Variants in TBL1XR1 observed in about 807,000 individuals in gnomAD.
TBL1XR1 encodes TBL1X/Y related 1.
In TBL1XR1, 5 loss-of-function variants were observed where a neutral mutation model predicts 66.9. That is an observed-to-expected ratio of 0.07 (90% CI 0.04 to 0.16). TBL1XR1 has a LOEUF of 0.16. TBL1XR1 is among the 10% of genes least tolerant of loss of function. The probability of loss-of-function intolerance (pLI) is 1.00; values close to 1 mark genes in which losing one functional copy is unlikely to be tolerated. For synonymous variants in TBL1XR1, 210 were observed against 206.0 expected (o/e 1.02, Z -0.17); for missense variants, 238 against 623.2 (o/e 0.38, Z 6.58).
intron 3 of TBL1XR1, among the ~76,000 whole-genome samples, chr3:177,060,119 C>A (rs571916504): frequency 1.3e-5 from 2 of 152,208 alleles, no homozygotes; most frequent in South Asian, 4.1e-4. Context: ...GCTTCCTTGC[C>A]CCTCAACTTG....
chr3:177,156,326 C>A (rs901603498), intron 1 of TBL1XR1, among the ~76,000 whole-genome samples: 15 of 151,446 alleles, frequency 9.9e-5, no homozygotes, highest in African/African-American at 1.5e-4. Context: ...GGCAAAACCC[C>A]CGTCTCTACT....
At chr3:177,067,799 T>C (rs1262533788) in intron 2 of TBL1XR1, among the ~76,000 whole-genome samples, 1 of 152,166 alleles carries the variant, frequency 6.6e-6, no homozygotes, top group Non-Finnish European at 1.5e-5. Context: ...TGCCACTACT[T>C]CATGAGTGGA....
chr3:177,106,696 A>G (rs537422533), intron 1 of TBL1XR1, among the ~76,000 whole-genome samples: 1 of 152,348 alleles, frequency 6.6e-6, no homozygotes, highest in Non-Finnish European at 1.5e-5. Context: ...ATTAAATAAC[A>G]GAAATAAATT....
At chr3:177,096,794 C>CA (rs111850779) in intron 2 of TBL1XR1, among the ~76,000 whole-genome samples, 22 of 152,250 alleles carry the variant, frequency 1.4e-4, no homozygotes, top group African/African-American at 5.3e-4. Context: ...CCAGAGCAAT[C>CA]TAAAGACCCC....
chr3:177,102,648 T>C (rs1724369727), intron 1 of TBL1XR1, among the ~76,000 whole-genome samples: 1 of 152,256 alleles, frequency 6.6e-6, no homozygotes, highest in African/African-American at 2.4e-5. Context: ...GCATTTCTAC[T>C]TTTACTCAAC....
At chr3:177,137,210 C>T (rs1577279265) in intron 1 of TBL1XR1, among the ~76,000 whole-genome samples, 4 of 152,220 alleles carry the variant, frequency 2.6e-5, no homozygotes, top group East Asian at 1.9e-4. Context: ...AGACATGGCC[C>T]GGCATGGCAT....
chr3:177,042,066 G>C (rs1285025140), intron 10 of TBL1XR1, among the ~76,000 whole-genome samples: 1 of 152,052 alleles, frequency 6.6e-6, no homozygotes, highest in African/African-American at 2.4e-5. Flanking sequence ...CCCTTTATTG[G>C]AGTGTCTAGT....
chr3:177,093,717 T>C (rs1723113135), intron 2 of TBL1XR1, among the ~76,000 whole-genome samples: 1 of 152,116 alleles, frequency 6.6e-6, no homozygotes, highest in South Asian at 2.1e-4. Flanking sequence ...AAACATAAAG[T>C]GGGGATAGAA....
At chr3:177,088,720 A>AAGAAAAG (rs531755582) in intron 2 of TBL1XR1, among the ~76,000 whole-genome samples, 1 of 151,468 alleles carries the variant, frequency 6.6e-6, no homozygotes, top group Admixed American at 6.6e-5. Flanking sequence ...TAAAAAAAAA[A>AAGAAAAG]AAAAGAAAAG....
chr3:177,122,616 G>C (rs1185343721), intron 1 of TBL1XR1, among the ~76,000 whole-genome samples: 1 of 152,114 alleles, frequency 6.6e-6, no homozygotes, highest in Non-Finnish European at 1.5e-5. Flanking sequence ...CTTTCATAAT[G>C]TTATTAAAGT....
chr3:177,106,793 G>A (rs1024818821), intron 1 of TBL1XR1, among the ~76,000 whole-genome samples: 2 of 152,170 alleles, frequency 1.3e-5, no homozygotes, highest in Non-Finnish European at 2.9e-5. Context: ...CTTTTCCCTT[G>A]GCTGTGTACC....
intron 1 of TBL1XR1, among the ~76,000 whole-genome samples, chr3:177,154,534 T>C (rs977951379): frequency 2.6e-5 from 4 of 152,088 alleles, no homozygotes; most frequent in African/African-American, 9.7e-5. Context: ...GTAGCTGGGA[T>C]TACAGACGCC....
intron 1 of TBL1XR1, among the ~76,000 whole-genome samples, chr3:177,112,107 A>ATATTTTTTTTTTTT: frequency 2.7e-5 from 1 of 37,650 alleles, no homozygotes; most frequent in Non-Finnish European, 4.5e-5. Context: ...ATATATATAT[A>ATATTTTTTTTTTTT]TTTTTTTTTT....
chr3:177,030,320 C>A, intron 14 of TBL1XR1, among the ~76,000 whole-genome samples: 1 of 151,276 alleles, frequency 6.6e-6, no homozygotes, highest in African/African-American at 2.4e-5. Flanking sequence ...TTAATATATT[C>A]ATATAATGCT....
intron 1 of TBL1XR1, among the ~76,000 whole-genome samples, chr3:177,100,428 CTT>C (rs879594412): frequency 6.8e-6 from 1 of 146,186 alleles, no homozygotes; most frequent in African/African-American, 2.5e-5. Context: ...GAATAATGTA[CTT>C]TTTTTTTTTT....
At chr3:177,035,408 C>T (rs1326779080) in intron 12 of TBL1XR1, among the ~76,000 whole-genome samples, 1 of 145,092 alleles carries the variant, frequency 6.9e-6, no homozygotes, top group Non-Finnish European at 1.5e-5. Flanking sequence ...TTTGTCCCTG[C>T]CCCAATTTTT....
In TBL1XR1 at chr3:177,113,009, A is replaced by G. The variant is rs965847146; in HGVS notation, c.-121-14468T>C. ...ATGAAGCAAGACTGTCTCAAAACAC[A>G]CACACACACACACACGGAATAGAAT... is the stretch of plus-strand genomic sequence containing the variant. On this transcript the variant is annotated intron_variant, in intron 1 of 15. Transcript: ENST00000457928. 4.1e-4 allele frequency among the ~76,000 whole-genome samples: 62 copies of G among 151,752 alleles called. 1 individual carries two copies. Among genetic ancestry groups the G allele is most frequent in the Non-Finnish European group, 5.2e-4 (35 of 67,924 alleles).
Position 177,055,784 on chromosome 3 carries a change from A to C in TBL1XR1, c.59-1866T>G, listed in dbSNP as rs2108510147. ...CCCTCCCTGAATAAATTCACAGTAA[A>C]TCATCCATAGTAAAAACAGCCAAAC... On this transcript the variant is annotated intron_variant, in intron 3 of 15. Coordinates refer to ENST00000457928, the MANE Select transcript of TBL1XR1 (RefSeq NM_024665.7). Among the ~76,000 whole-genome samples the C allele has an allele frequency of 1.3e-5, 2 of 152,296 alleles. 1 individual carries two copies. The highest frequency in any genetic ancestry group is 4.1e-4 in the South Asian group (2 of 4,826).
intron 1 of TBL1XR1, among the ~76,000 whole-genome samples, chr3:177,147,896 C>A (rs549658622): frequency 6.6e-6 from 1 of 152,288 alleles, no homozygotes; most frequent in East Asian, 1.9e-4. Context: ...CTATAAGCAA[C>A]AATTAACTCT....
Sources: gnomAD v4.1 joint callset for allele counts (sites outside exome capture counted in the v4.1 genomes callset) on GRCh38, gnomAD v4.1.1 for gene constraint, MANE v1.5 for transcripts, NCBI Gene and HGNC (gene_info 2026-07-23, HGNC 2026-07-21) for gene names.